Variants in BPIFB2 observed in about 807,000 individuals in gnomAD.
BPIFB2 encodes BPI fold-containing family B member 2.
In BPIFB2, 39 loss-of-function variants were observed where a neutral mutation model predicts 50.1. That is an observed-to-expected ratio of 0.78 (90% CI 0.60 to 1.02). The LOEUF (loss-of-function observed/expected upper bound fraction) is 1.02, where lower values mean the gene tolerates loss of function less well. Among genes scored for constraint, BPIFB2 ranks in the 50% least tolerant of loss-of-function variants. The pLI is 0.00. For synonymous variants in BPIFB2, 280 were observed against 256.3 expected, an observed-to-expected ratio of 1.09 and a Z score of -0.88; for missense variants, 574 against 585.8, an observed-to-expected ratio of 0.98 and a Z score of 0.21.
At chr20:33,011,199 C>A in intron 3 of BPIFB2, 82 bp downstream of exon 3, 1 of 1,355,334 alleles carries the variant, frequency 7.4e-7, no homozygotes, top group Non-Finnish European at 1.0e-6. Flanking sequence ...CTTCAGTCCA[C>A]CGGGCATGTG....
chr20:33,018,865 T>A (rs1978542229), intron 9 of BPIFB2, 43 bp downstream of exon 9: 13 of 1,588,366 alleles, frequency 8.2e-6, no homozygotes, highest in Non-Finnish European at 1.1e-5. Context: ...GGGCAAGAGC[T>A]CCCTGTGGCC....
At position 33,018,786 on chromosome 20, in the gene BPIFB2, G is replaced by T. The variant is rs1185989708; in HGVS notation, c.819G>T (p.Lys273Asn). 1.2e-6 allele frequency: 2 copies of T among 1,613,704 alleles called. No individual in the cohort carries two copies. The highest frequency in any genetic ancestry group is 1.7e-6 in the Non-Finnish European group (2 of 1,179,914). Residue 273 changes from lysine to asparagine, a missense_variant, in exon 9 of 16, where the codon AAG becomes AAT. Coordinates refer to ENST00000170150, the MANE Select transcript of BPIFB2 (RefSeq NM_025227.3). ...ACTCTGCGCTCCTGCTGCTGCAGAA[G>T]GCCGGTGCCCTCAACCTGGACATCA... is the stretch of plus-strand genomic sequence containing the variant. Reference protein sequence around the residue: ...LFDSALLLLQKAGALNLDITG... With the variant: ...LFDSALLLLQNAGALNLDITG...
intron 5 of BPIFB2, 124 bp from the exon 6 acceptor site, chr20:33,015,312 G>A (rs577464425): frequency 4.3e-5 from 33 of 765,448 alleles, no homozygotes; most frequent in East Asian, 4.0e-4. Context: ...GCAGGGCATC[G>A]AATGGAATTG....
intron 3 of BPIFB2, among the ~76,000 whole-genome samples, chr20:33,011,403 G>C (rs1397378927): frequency 1.3e-5 from 2 of 152,226 alleles, no homozygotes; most frequent in African/African-American, 4.8e-5. Flanking sequence ...CAAGGGCTAA[G>C]AGTGGCTCCT....
rs144598883 is a variant in BPIFB2 at position 33,008,611 on chromosome 20, C to G, written c.37C>G (p.Leu13Val). 116 of 1,604,868 alleles carry G rather than the reference C, an allele frequency of 7.2e-5. No homozygotes were observed. The African/African-American group carries it at 1.3e-3, about 18-fold the overall frequency. ...AAGTAGGCTGGGCCTGCTGCTGGCACTGCTGCTGCCCGTGGTCGGTGCCTC... is the reference window on the plus strand; with the variant it reads ...AAGTAGGCTGGGCCTGCTGCTGGCAGTGCTGCTGCCCGTGGTCGGTGCCTC... ...WASRLGLLLA[L>V]LLPVVGASTP... Residue 13 changes from leucine (L) to valine (V), a missense_variant, in exon 2 of 16, where the codon CTG becomes GTG. Physicochemically the swap from Leu to Val is conservative, Grantham distance 32 (BLOSUM62 1). Transcript: ENST00000170150.
chr20:33,023,272 G>A (rs1978743998), intron 15 of BPIFB2, 70 bp from the exon 16 acceptor site: 6 of 1,496,440 alleles, frequency 4.0e-6, no homozygotes, highest in Non-Finnish European at 1.9e-6. Flanking sequence ...CTCAGAGCCA[G>A]GCTGAGGGGG....
chr20:33,012,852 G>C lies in BPIFB2; in HGVS notation c.253G>C (p.Ala85Pro), dbSNP rs766138187. ...HVPRLHLKFI[A>P]GFGVRLLAAA... Reference sequence around the variant, plus strand: ...GCCCCGCCTCCACCTGAAATTCATTGCTGGTTTCGGAGTGCGCCTGCTGGC... The same window carrying C: ...GCCCCGCCTCCACCTGAAATTCATTCCTGGTTTCGGAGTGCGCCTGCTGGC... The change falls in exon 4 of 16, where the codon GCT (alanine) becomes CCT (proline). Residue 85 changes from alanine to proline, a missense_variant. Physicochemically the swap from Ala to Pro is conservative, Grantham distance 27. Coordinates refer to ENST00000170150, the MANE Select transcript of BPIFB2 (RefSeq NM_025227.3). 1.9e-6 allele frequency: 3 copies of C among 1,614,088 alleles called. No individual in the cohort carries two copies. The highest frequency in any genetic ancestry group is 2.5e-6 in the Non-Finnish European group (3 of 1,179,998).
At chr20:33,019,831 C>G in intron 11 of BPIFB2, 81 bp downstream of exon 11, 1 of 1,431,448 alleles carries the variant, frequency 7.0e-7, no homozygotes, top group Non-Finnish European at 9.3e-7. Context: ...CTCATCTTTG[C>G]TCTACTCACA....
chr20:33,017,571 A>G (rs1048855845), intron 7 of BPIFB2, among the ~76,000 whole-genome samples: 8 of 152,132 alleles, frequency 5.3e-5, no homozygotes, highest in Admixed American at 1.3e-4. Flanking sequence ...TTGGGCTCTG[A>G]GCCATGCCTC....
chr20:33,015,411 A>G lies in BPIFB2; in HGVS notation c.456-25A>G, dbSNP rs1489490704. The G allele has an allele frequency of 4.4e-6, 7 of 1,602,990 alleles. No individual in the cohort carries two copies. In the South Asian group the frequency reaches 6.6e-5, roughly 15 times the overall value. ...GACTTAATATGTTTGGGAGCCCAGGAACTCTTTCTGTGTTTCTCCCTCAGC... is the reference window on the plus strand; with the variant it reads ...GACTTAATATGTTTGGGAGCCCAGGGACTCTTTCTGTGTTTCTCCCTCAGC... On this transcript the variant is annotated intron_variant, in intron 5 of 15. Coordinates refer to ENST00000170150, the MANE Select transcript of BPIFB2 (RefSeq NM_025227.3).
intron 14 of BPIFB2, 71 bp from the exon 15 acceptor site, chr20:33,021,652 C>A: frequency 6.9e-7 from 1 of 1,452,318 alleles, no homozygotes; most frequent in Non-Finnish European, 9.7e-7. Context: ...GGACTCAGTG[C>A]TGTGATGCAC....
At chr20:33,021,450 G>A in intron 14 of BPIFB2, 106 bp downstream of exon 14, 3 of 1,292,668 alleles carry the variant, frequency 2.3e-6, no homozygotes, top group Non-Finnish European at 3.3e-6. Flanking sequence ...GGCTCACAGG[G>A]TGAGAGGGGG....
chr20:33,019,797 C>T lies in BPIFB2; in HGVS notation c.1080+47C>T, dbSNP rs980341091. The T allele has an allele frequency of 3.9e-6, 6 of 1,519,312 alleles. No individual in the cohort carries two copies. In the African/African-American group the frequency reaches 8.2e-5, roughly 21 times the overall value. 94.1% of individuals were successfully genotyped at this position (1,519,312 alleles called of 1,614,324 possible). A position where few individuals can be genotyped will look rare whatever the true frequency, so the allele number is the denominator to read the frequency against. ...GGAAGGCAGGCAACTGTCACAGAGA[C>T]CTCCCTCCCTGCTTCACTGTCCCCT... On this transcript the variant is annotated intron_variant, in intron 11 of 15. Coordinates refer to ENST00000170150, the MANE Select transcript of BPIFB2 (RefSeq NM_025227.3).
intron 5 of BPIFB2, among the ~76,000 whole-genome samples, chr20:33,014,824 T>A (rs1420390509): frequency 3.3e-5 from 5 of 152,218 alleles, no homozygotes; most frequent in Non-Finnish European, 5.9e-5. Flanking sequence ...AGGCAGGGGA[T>A]GCTCACAGCT....
chr20:33,015,501 A>AG lies in BPIFB2; in HGVS notation c.516+8dup. 1 of 1,607,900 alleles carries AG rather than the reference A, an allele frequency of 6.2e-7. No homozygotes were observed. Among genetic ancestry groups the AG allele is most frequent in the Non-Finnish European group, 8.5e-7 (1 of 1,175,468 alleles). On this transcript the variant is annotated splice_donor_region_variant and intron_variant, in intron 6 of 15. Coordinates refer to ENST00000170150, the MANE Select transcript of BPIFB2 (RefSeq NM_025227.3). ...AAAGCTGTCTTGAGTAACAAGGTAA[A>AG]GGGCTTGCAGATTTCTCAGAAAGGA...
intron 5 of BPIFB2, among the ~76,000 whole-genome samples, chr20:33,014,542 C>T (rs1402336836): frequency 2.0e-5 from 3 of 151,914 alleles, no homozygotes; most frequent in African/African-American, 7.3e-5. Flanking sequence ...AAGTGACTTG[C>T]CTAAGGCCAC....
Position 33,019,710 on chromosome 20 carries a change from C to T in BPIFB2, c.1040C>T (p.Ala347Val). 6 of 1,611,148 alleles carry T rather than the reference C, an allele frequency of 3.7e-6. No homozygotes were observed. The highest frequency in any genetic ancestry group is 5.1e-6 in the Non-Finnish European group (6 of 1,178,562). ...CCCTTCGTGGAGGTCCTGGCCACAG[C>T]CTCCAACTCGGCTTTCCAGTCCCTC... Reference protein sequence around the residue: ...LQPFVEVLATASNSAFQSLFS... With the variant: ...LQPFVEVLATVSNSAFQSLFS... The change falls in exon 11 of 16, where the codon GCC becomes GTC. Residue 347 changes from alanine to valine, a missense_variant. Physicochemically the swap from Ala to Val is moderately conservative, Grantham distance 64 (BLOSUM62 0). Coordinates refer to ENST00000170150, the MANE Select transcript of BPIFB2 (RefSeq NM_025227.3).
rs367804891 is a variant in BPIFB2 at position 33,020,620 on chromosome 20, C to T, written c.1194+33C>T. On this transcript the variant is annotated intron_variant, in intron 13 of 15. Transcript: ENST00000170150. ...TGGGGCTGGGGCCTCTAGAAACCCCCGTCCTGGGTAGGGCACACCTTGAGC... is the reference window on the plus strand; with the variant it reads ...TGGGGCTGGGGCCTCTAGAAACCCCTGTCCTGGGTAGGGCACACCTTGAGC... 4.3e-5 allele frequency: 67 copies of T among 1,574,892 alleles called. No individual in the cohort carries two copies. The African/African-American group carries it at 6.1e-4, about 14-fold the overall frequency.
intron 9 of BPIFB2, 87 bp from the exon 10 acceptor site, chr20:33,018,975 G>A: frequency 1.3e-6 from 2 of 1,590,824 alleles, no homozygotes; most frequent in Non-Finnish European, 1.7e-6. Context: ...GGGGGCTATG[G>A]GGAGCGATTG....
Sources: allele counts gnomAD v4.1 joint callset (sites outside exome capture counted in the v4.1 genomes callset), GRCh38; gene constraint gnomAD v4.1.1; transcripts MANE v1.5; gene names NCBI Gene and HGNC (gene_info 2026-07-23, HGNC 2026-07-21).